DENND2B: variants seen among roughly 807,000 people sequenced by gnomAD.
The protein encoded by DENND2B is DENN domain-containing protein 2B.
In DENND2B, 32 loss-of-function variants were observed where a neutral mutation model predicts 116.0. The ratio of observed to expected loss-of-function variants is 0.28; its 90% CI spans 0.21 to 0.37. DENND2B has a LOEUF of 0.37. Ranked by LOEUF, DENND2B falls within the 10% of genes least tolerant of loss-of-function variation. The pLI, the probability that DENND2B is intolerant of heterozygous loss-of-function variation, is 1.00. For missense variants in DENND2B, 1,276 were observed against 1,477.7 expected, an observed-to-expected ratio of 0.86 and a Z score of 2.24; for synonymous variants, 588 against 583.9, an observed-to-expected ratio of 1.01 and a Z score of -0.10.
intron 3 of DENND2B, among the ~76,000 whole-genome samples, chr11:8,851,545 A>C (rs2063008309): frequency 6.6e-6 from 1 of 152,154 alleles, no homozygotes; most frequent in South Asian, 2.1e-4. Flanking sequence ...CGCTAGTAGA[A>C]GTGTACAGTG....
chr11:8,853,487 T>C (rs1254097086), intron 3 of DENND2B, among the ~76,000 whole-genome samples: 1 of 152,176 alleles, frequency 6.6e-6, no homozygotes, highest in Admixed American at 6.5e-5. Flanking sequence ...ACACCAAATC[T>C]TGGGCTTTCC....
chr11:8,902,612 G>A (rs2064184118), intron 1 of DENND2B, among the ~76,000 whole-genome samples: 1 of 151,862 alleles, frequency 6.6e-6, no homozygotes, highest in Non-Finnish European at 1.5e-5. Context: ...GTCGCTTAAA[G>A]CAACACAAGT....
At chr11:8,844,559 C>T (rs1384863083) in intron 3 of DENND2B, among the ~76,000 whole-genome samples, 1 of 85,824 alleles carries the variant, frequency 1.2e-5, no homozygotes, top group Non-Finnish European at 2.6e-5. Context: ...TTTTTGTTAA[C>T]TCTTACTTCC....
intron 1 of DENND2B, among the ~76,000 whole-genome samples, chr11:8,806,638 A>ACACACC (rs1017645452): frequency 2.0e-5 from 3 of 151,014 alleles, no homozygotes; most frequent in Admixed American, 6.6e-5. Flanking sequence ...ACACACACAC[A>ACACACC]CCCAGGAGAG....
At chr11:8,880,012 ATGG>A (rs1337044810) in intron 2 of DENND2B, among the ~76,000 whole-genome samples, 1 of 152,202 alleles carries the variant, frequency 6.6e-6, no homozygotes, top group Non-Finnish European at 1.5e-5. Context: ...TACCAATAGA[ATGG>A]TGGTGGTAGT....
intron 4 of DENND2B, among the ~76,000 whole-genome samples, chr11:8,827,386 G>A (rs1355677809): frequency 1.3e-5 from 2 of 152,332 alleles, no homozygotes; most frequent in Admixed American, 6.5e-5. Flanking sequence ...TCTCAAACCC[G>A]AGCAGATAAA....
chr11:8,841,227 A>C (rs1344569828), intron 3 of DENND2B, among the ~76,000 whole-genome samples: 1 of 152,066 alleles, frequency 6.6e-6, no homozygotes, highest in East Asian at 1.9e-4. Flanking sequence ...CTCTTCTTAT[A>C]TGTTGTGAAG....
intron 4 of DENND2B, among the ~76,000 whole-genome samples, chr11:8,821,543 C>A: frequency 6.6e-6 from 1 of 151,394 alleles, no homozygotes. Flanking sequence ...CACGTCACTG[C>A]ACTCTAGCCC....
intron 1 of DENND2B, among the ~76,000 whole-genome samples, chr11:8,789,994 G>A (rs2059242785): frequency 1.3e-5 from 2 of 152,142 alleles, no homozygotes; most frequent in Non-Finnish European, 2.9e-5. Context: ...AGCCTTTCAA[G>A]AGCCAGCCCT....
chr11:8,843,307 C>T (rs368867826), intron 3 of DENND2B, among the ~76,000 whole-genome samples: 1 of 152,074 alleles, frequency 6.6e-6, no homozygotes, highest in African/African-American at 2.4e-5. Context: ...CGTGCCCGGC[C>T]GGAGTCACTC....
At chr11:8,750,079 A>G (rs2052076482) in intron 2 of DENND2B, among the ~76,000 whole-genome samples, 1 of 152,248 alleles carries the variant, frequency 6.6e-6, no homozygotes, top group South Asian at 2.1e-4. Flanking sequence ...ATTATTTTAT[A>G]GATGAAATAA....
intron 1 of DENND2B, among the ~76,000 whole-genome samples, chr11:8,807,163 G>A (rs1287086721): frequency 6.6e-6 from 1 of 152,194 alleles, no homozygotes; most frequent in Non-Finnish European, 1.5e-5. Flanking sequence ...GGCTGCCTCG[G>A]CCGACTCTCT....
chr11:8,824,932 C>G (rs189020886), intron 4 of DENND2B, among the ~76,000 whole-genome samples: 1 of 150,976 alleles, frequency 6.6e-6, no homozygotes, highest in Non-Finnish European at 1.5e-5. Flanking sequence ...CTCCTGACCT[C>G]AAGTGATCTG....
chr11:8,766,675 C>G lies in DENND2B; in HGVS notation c.-25-15950G>C, dbSNP rs1409611990. ...ACGGGGTTTCTTGCCAGCTATGCGCCCCACCTCCATTCTTCCTTGAAGTCA... is the reference window on the plus strand; with the variant it reads ...ACGGGGTTTCTTGCCAGCTATGCGCGCCACCTCCATTCTTCCTTGAAGTCA... On this transcript the variant is annotated intron_variant, in intron 1 of 19. Coordinates refer to ENST00000313726, the MANE Select transcript of DENND2B (RefSeq NM_213618.2). 4 of 1,289,226 alleles carry G rather than the reference C, an allele frequency of 3.1e-6. No individual in the cohort carries two copies. In the South Asian group the frequency reaches 4.9e-5, roughly 16 times the overall value. The allele number at this position is 1,289,226 out of a possible 1,614,324, so 79.9% of individuals were successfully genotyped here. A position where few individuals can be genotyped will look rare whatever the true frequency, so the allele number is the denominator to read the frequency against.
intron 19 of DENND2B, among the ~76,000 whole-genome samples, 187 bp downstream of exon 19, chr11:8,695,276 A>T (rs1284344252): frequency 6.6e-6 from 1 of 152,176 alleles, no homozygotes; most frequent in African/African-American, 2.4e-5. Flanking sequence ...AAGGACCACT[A>T]CTGTGCAAAA....
chr11:8,719,220 C>A, intron 4 of DENND2B: 1 of 985,420 alleles, frequency 1.0e-6, no homozygotes, highest in Non-Finnish European at 1.2e-6. Flanking sequence ...AAGAGCCAAT[C>A]CCTATATGCT....
chr11:8,814,335 C>T (rs1246602160), upstream of DENND2B, among the ~76,000 whole-genome samples: 2 of 148,778 alleles, frequency 1.3e-5, no homozygotes, highest in African/African-American at 5.0e-5. Context: ...TGACTTCCCA[C>T]TACACTTAAG....
intron 1 of DENND2B, among the ~76,000 whole-genome samples, chr11:8,802,718 C>T (rs1256956964): frequency 6.6e-6 from 1 of 152,140 alleles, no homozygotes; most frequent in Non-Finnish European, 1.5e-5. Flanking sequence ...GAAAAGGAAA[C>T]AGTGATGGAA....
intron 1 of DENND2B, among the ~76,000 whole-genome samples, chr11:8,909,237 A>G (rs2064277866): frequency 6.6e-6 from 1 of 152,164 alleles, no homozygotes; most frequent in Non-Finnish European, 1.5e-5. Context: ...TCTACGAAAC[A>G]TTTAAAAAAT....
Sources: gnomAD v4.1 joint callset for allele counts (sites outside exome capture counted in the v4.1 genomes callset) on GRCh38, gnomAD v4.1.1 for gene constraint, MANE v1.5 for transcripts, NCBI Gene and HGNC (gene_info 2026-07-23, HGNC 2026-07-21) for gene names.